KCNIP2: variants seen among roughly 807,000 people sequenced by gnomAD.
The protein encoded by KCNIP2 is A-type potassium channel modulatory protein KCNIP2.
Under a neutral mutation model 39.0 loss-of-function variants are expected in KCNIP2, and 19 were observed. That is an observed-to-expected ratio of 0.49 (90% confidence interval 0.34 to 0.71). The LOEUF (loss-of-function observed/expected upper bound fraction) is 0.71, where lower values mean the gene tolerates loss of function less well. Ranked by LOEUF, KCNIP2 falls within the 30% of genes least tolerant of loss-of-function variation. The probability of loss-of-function intolerance (pLI) is 0.01; values close to 1 mark genes in which losing one functional copy is unlikely to be tolerated. For missense variants in KCNIP2, 261 were observed against 346.0 expected (o/e 0.75, Z 1.95); for synonymous variants, 111 against 131.2 (o/e 0.85, Z 1.05).
Position 101,838,425 on chromosome 10 carries a change from C to G in KCNIP2, c.73+5071G>C, listed in dbSNP as rs1437887972. ...CCCCAGTTTAGCTTTGTCCCACCCCCCACCGCCACTGTTAACCCAGCCAGT... is the reference window on the plus strand; with the variant it reads ...CCCCAGTTTAGCTTTGTCCCACCCCGCACCGCCACTGTTAACCCAGCCAGT... On this transcript the variant is annotated intron_variant, in intron 1 of 9. Coordinates refer to ENST00000356640, the MANE Select transcript of KCNIP2 (RefSeq NM_173191.3). The surrounding 1 kb of genome is among the most constrained non-coding windows in gnomAD (Gnocchi z 4.0). Among the ~76,000 whole-genome samples, 1 of 152,168 alleles carries G rather than the reference C, an allele frequency of 6.6e-6. No individual in the cohort carries two copies. The highest frequency in any genetic ancestry group is 1.5e-5 in the Non-Finnish European group (1 of 68,026).
At chr10:101,833,724 T>C (rs2066063026) in intron 1 of KCNIP2, among the ~76,000 whole-genome samples, 1 of 152,100 alleles carries the variant, frequency 6.6e-6, no homozygotes, top group East Asian at 1.9e-4. Context: ...TTACACACTT[T>C]GTACTCTCTC....
chr10:101,843,482 C>T lies in KCNIP2; in HGVS notation c.73+14G>A, dbSNP rs781213251. On this transcript the variant is annotated intron_variant, in intron 1 of 9. Transcript: ENST00000356640. The surrounding 1 kb of genome is among the most constrained non-coding windows in gnomAD (Gnocchi z 6.7). The stretch of plus-strand genomic sequence containing the variant: ...TCCACCCTCCCTCCCGCGACCCCCA[C>T]GTCACTGACTCACCCGTGAGCTGGT... 6.5e-7 allele frequency: 1 copy of T among 1,540,324 alleles called. No individual in the cohort carries two copies. Among genetic ancestry groups the T allele is most frequent in the East Asian group, 2.5e-5 (1 of 39,988 alleles).
intron 1 of KCNIP2, among the ~76,000 whole-genome samples, chr10:101,832,788 A>G (rs1028571563): frequency 6.0e-5 from 9 of 150,978 alleles, no homozygotes; most frequent in African/African-American, 2.2e-4. Context: ...ACCTGCTTCT[A>G]AGCCTCTGTC....
At chr10:101,839,872 AC>A in intron 1 of KCNIP2, 4 of 1,558,994 alleles carry the variant, frequency 2.6e-6, no homozygotes, top group Admixed American at 1.9e-5. Context: ...TCTAAGCTCC[AC>A]CCCCAGGCCC....
Position 101,843,552 on chromosome 10 carries a change from C to A in KCNIP2, c.17G>T (p.Arg6Leu). ...TCGGGAATCGGACAAACTCTCCTTG[C>A]GGCCCTGGCCCCGCATGGCCCCCGG... MRGQGRKESLSDSRDL... is the reference protein window; with the variant it reads MRGQGLKESLSDSRDL... The change falls in exon 1 of 10, where the codon CGC becomes CTC. Residue 6 changes from arginine to leucine, a missense_variant. Arg to Leu is a moderately radical substitution (Grantham distance 102). Transcript: ENST00000356640. The surrounding 1 kb of genome is among the most constrained non-coding windows in gnomAD (Gnocchi z 6.7). 2 of 1,559,242 alleles carry A rather than the reference C, an allele frequency of 1.3e-6. No homozygotes were observed. The highest frequency in any genetic ancestry group is 1.4e-5 in the African/African-American group (1 of 71,598).
rs193159101 is a variant in KCNIP2, at chr10:101,836,710, C to A, written c.74-5543G>T. Among the ~76,000 whole-genome samples, 336 of 152,292 alleles carry A rather than the reference C, an allele frequency of 2.2e-3. 1 individual carries two copies. Among genetic ancestry groups the A allele is most frequent in the Middle Eastern group, 0.014 (4 of 294 alleles). On this transcript the variant is annotated intron_variant, in intron 1 of 9. Coordinates refer to ENST00000356640, the MANE Select transcript of KCNIP2 (RefSeq NM_173191.3). Reference sequence around the variant, plus strand: ...GGGCAAGGTGGCTCATGCCTGTAATCCCAGCACTCTGGGAGGTCGAGGCAG... The same window carrying A: ...GGGCAAGGTGGCTCATGCCTGTAATACCAGCACTCTGGGAGGTCGAGGCAG...
rs1376354028 is a variant in KCNIP2, at chr10:101,828,481, G to A, written c.419-22C>T. On this transcript the variant is annotated intron_variant, in intron 5 of 9. Transcript: ENST00000356640. The surrounding 1 kb of genome is among the most constrained non-coding windows in gnomAD (Gnocchi z 6.6). ...GAGTCTGCAGGGTGAGTGTGGAGAA[G>A]TTGGCTTCCACACAGGAGAGGACTT... 3 of 1,613,102 alleles carry A rather than the reference G, an allele frequency of 1.9e-6. No individual in the cohort carries two copies. Among genetic ancestry groups the A allele is most frequent in the Non-Finnish European group, 2.5e-6 (3 of 1,179,432 alleles).
At chr10:101,839,682 C>G in intron 1 of KCNIP2, 1 of 1,407,746 alleles carries the variant, frequency 7.1e-7, no homozygotes, top group Non-Finnish European at 1.0e-6. Flanking sequence ...CTCCCTACCT[C>G]TGCGGAGCTC....
At position 101,841,614 on chromosome 10, in the gene KCNIP2, G is replaced by C. The variant is rs1296140545; in HGVS notation, c.73+1882C>G. On this transcript the variant is annotated intron_variant, in intron 1 of 9. Coordinates refer to ENST00000356640, the MANE Select transcript of KCNIP2 (RefSeq NM_173191.3). ...CCTTTCCATTTTCCTTGGGAGGTAG[G>C]CAGGCAGGCAGGAAGTAACATTCCC... is the stretch of plus-strand genomic sequence containing the variant. Among the ~76,000 whole-genome samples, 3 of 152,176 alleles carry C rather than the reference G, an allele frequency of 2.0e-5. No homozygotes were observed. The East Asian group carries it at 5.8e-4, about 29-fold the overall frequency.
intron 1 of KCNIP2, among the ~76,000 whole-genome samples, chr10:101,831,653 C>T (rs1431091637): frequency 2.0e-5 from 3 of 152,134 alleles, no homozygotes; most frequent in Non-Finnish European, 4.4e-5. Flanking sequence ...TGCTCACACA[C>T]ACACACACAA....
rs1396343994 is a variant in KCNIP2, at chr10:101,843,668, C to T, written c.-100G>A. The T allele has an allele frequency of 1.5e-5, 9 of 603,096 alleles. No homozygotes were observed. Among genetic ancestry groups the T allele is most frequent in the South Asian group, 1.2e-4 (4 of 34,634 alleles). The allele number at this position is 603,096 out of a possible 1,614,324, so 37.4% of individuals were successfully genotyped here. A position where few individuals can be genotyped will look rare whatever the true frequency, so the allele number is the denominator to read the frequency against. ...GCCCCCTGGCGGCCTACTGTGCTGT[C>T]GGGGCTGGGGAAGTCCGGGCTGAGG... On this transcript the variant is annotated 5_prime_UTR_variant, in exon 1 of 10. Transcript: ENST00000356640. The surrounding 1 kb of genome is among the most constrained non-coding windows in gnomAD (Gnocchi z 6.7).
chr10:101,828,491 A>G lies in KCNIP2; in HGVS notation c.419-32T>C, dbSNP rs1308639563. 1 of 1,612,074 alleles carries G rather than the reference A, an allele frequency of 6.2e-7. No homozygotes were observed. Among genetic ancestry groups the G allele is most frequent in the East Asian group, 2.2e-5 (1 of 44,854 alleles). ...GGTGAGTGTGGAGAAGTTGGCTTCC[A>G]CACAGGAGAGGACTTCCTCCCTCTA... On this transcript the variant is annotated intron_variant, in intron 5 of 9. Transcript: ENST00000356640. This position sits in a 1 kb window ranked among gnomAD's most constrained non-coding sequence, Gnocchi z 6.6.
Position 101,843,516 on chromosome 10 carries a change from C to T in KCNIP2, c.53G>A (p.Gly18Asp), listed in dbSNP as rs2066395567. ...ESLSDSRDLD[G>D]SYDQLTGHPP... ...CTCACCCGTGAGCTGGTCGTAGGAG[C>T]CGTCCAGGTCTCGGGAATCGGACAA... The change falls in exon 1 of 10, where the codon GGC (glycine) becomes GAC (aspartate). Residue 18 changes from glycine to aspartate, a missense_variant. Physicochemically the swap from Gly to Asp is moderately conservative, Grantham distance 94 (BLOSUM62 -1). Transcript: ENST00000356640. The surrounding 1 kb of genome is among the most constrained non-coding windows in gnomAD (Gnocchi z 6.7). 1 of 1,580,702 alleles carries T rather than the reference C, an allele frequency of 6.3e-7. No individual in the cohort carries two copies. The highest frequency in any genetic ancestry group is 8.6e-7 in the Non-Finnish European group (1 of 1,164,776).
At chr10:101,834,401 C>T in intron 1 of KCNIP2, 1 of 399,236 alleles carries the variant, frequency 2.5e-6, no homozygotes. Flanking sequence ...CTACAGGGCC[C>T]AGGTTCAGAT....
intron 1 of KCNIP2, chr10:101,834,131 C>A: frequency 2.5e-6 from 1 of 396,988 alleles, no homozygotes; most frequent in Non-Finnish European, 4.4e-6. Context: ...CCCCTACTCA[C>A]CTCCCAGATC....
chr10:101,836,728 C>A (rs1046512506), intron 1 of KCNIP2, among the ~76,000 whole-genome samples: 1 of 151,956 alleles, frequency 6.6e-6, no homozygotes, highest in African/African-American at 2.4e-5. Context: ...TCTGGGAGGT[C>A]GAGGCAGGTG....
At position 101,839,101 on chromosome 10, in the gene KCNIP2, C is replaced by T. The variant is rs190367808; in HGVS notation, c.73+4395G>A. On this transcript the variant is annotated intron_variant, in intron 1 of 9. Coordinates refer to ENST00000356640, the MANE Select transcript of KCNIP2 (RefSeq NM_173191.3). ...GTACAGAACTCCAGGTACACACAGT[C>T]TCAGTGTCACAGAATCCCAGTGATC... is the stretch of plus-strand genomic sequence containing the variant. 3.9e-5 allele frequency among the ~76,000 whole-genome samples: 6 copies of T among 152,310 alleles called. No homozygotes were observed. In the East Asian group the frequency reaches 1.2e-3, roughly 29 times the overall value.
intron 1 of KCNIP2, among the ~76,000 whole-genome samples, chr10:101,835,752 C>T (rs546636565): frequency 9.2e-5 from 14 of 152,194 alleles, no homozygotes; most frequent in African/African-American, 2.9e-4. Context: ...CCATTACTAC[C>T]GCTGCTGGCT....
intron 3 of KCNIP2, chr10:101,829,450 C>CG: frequency 2.0e-6 from 1 of 508,542 alleles, no homozygotes; most frequent in Non-Finnish European, 3.4e-6. Flanking sequence ...GCTCGCCCCG[C>CG]GGCCCTCGAT....
Sources: allele counts gnomAD v4.1 joint callset (sites outside exome capture counted in the v4.1 genomes callset), GRCh38; gene constraint gnomAD v4.1.1; non-coding constraint Gnocchi (gnomAD v3.1); transcripts MANE v1.5; gene names NCBI Gene and HGNC (gene_info 2026-07-23, HGNC 2026-07-21).